The following NBEA variants were observed in gnomAD, a reference collection of about 807,000 sequenced individuals.
NBEA encodes lysosomal-trafficking regulator 2.
Under a neutral mutation model 343.4 loss-of-function variants are expected in NBEA, and 44 were observed. The observed-to-expected ratio is 0.13, with a 90% confidence interval of 0.10 to 0.16. NBEA has a LOEUF of 0.16. NBEA is among the 10% of genes least tolerant of loss of function. NBEA has a pLI of 1.00. For missense variants in NBEA, 2,555 were observed against 3,631.3 expected (o/e 0.70, Z 7.62); for synonymous variants, 1,175 against 1,238.7 (o/e 0.95, Z 1.08).
At chr13:35,320,156 T>A (rs2038035737) in intron 36 of NBEA, among the ~76,000 whole-genome samples, 1 of 152,202 alleles carries the variant, frequency 6.6e-6, no homozygotes, top group Non-Finnish European at 1.5e-5. Flanking sequence ...GCTGGTTAAT[T>A]TGCCCATTAG....
chr13:35,146,470 C>T (rs546351308), intron 18 of NBEA, among the ~76,000 whole-genome samples: 37 of 152,254 alleles, frequency 2.4e-4, no homozygotes, highest in African/African-American at 8.7e-4. Context: ...CCGCCAGGAA[C>T]GTTGGGTCCC....
At chr13:35,084,299 A>C (rs1040395194) in intron 10 of NBEA, among the ~76,000 whole-genome samples, 1 of 152,160 alleles carries the variant, frequency 6.6e-6, no homozygotes, top group Non-Finnish European at 1.5e-5. Context: ...CACCACACCT[A>C]TTCCAAAATT....
intron 38 of NBEA, among the ~76,000 whole-genome samples, chr13:35,385,517 A>G (rs895587470): frequency 6.6e-6 from 1 of 152,100 alleles, no homozygotes; most frequent in Admixed American, 6.5e-5. Flanking sequence ...TGGGCAACAT[A>G]GCAAGGCCCT....
intron 41 of NBEA, among the ~76,000 whole-genome samples, chr13:35,488,551 C>T (rs2076386578): frequency 6.6e-6 from 1 of 151,898 alleles, no homozygotes; most frequent in Non-Finnish European, 1.5e-5. Flanking sequence ...AACTAATAAA[C>T]TTTCAATGCA....
chr13:34,949,092 A>G (rs2059274689), intron 1 of NBEA, among the ~76,000 whole-genome samples: 1 of 152,228 alleles, frequency 6.6e-6, no homozygotes, highest in Non-Finnish European at 1.5e-5. Context: ...CCTCGCATGC[A>G]GTATACGCCA....
At chr13:35,150,747 G>A (rs989152372) in intron 18 of NBEA, among the ~76,000 whole-genome samples, 4 of 150,674 alleles carry the variant, frequency 2.7e-5, no homozygotes, top group African/African-American at 7.4e-5. Flanking sequence ...GTAAGATTAA[G>A]TGCAGAAATA....
At chr13:34,944,581 A>T (rs1321702032) in intron 1 of NBEA, among the ~76,000 whole-genome samples, 1 of 152,226 alleles carries the variant, frequency 6.6e-6, no homozygotes, top group African/African-American at 2.4e-5. Flanking sequence ...GATATAACCA[A>T]GTTCTTTTCA....
chr13:35,529,613 T>A (rs1168658373), intron 41 of NBEA, among the ~76,000 whole-genome samples: 1 of 152,114 alleles, frequency 6.6e-6, no homozygotes, highest in Non-Finnish European at 1.5e-5. Flanking sequence ...TAGAACAGAG[T>A]CATACTGTGA....
intron 1 of NBEA, among the ~76,000 whole-genome samples, chr13:34,952,754 T>C (rs538683760): frequency 2.0e-4 from 30 of 152,240 alleles, no homozygotes; most frequent in African/African-American, 7.0e-4. Flanking sequence ...ATATTTCTCT[T>C]TAGCAAATAC....
At chr13:35,578,176 A>G (rs895587647) in intron 45 of NBEA, among the ~76,000 whole-genome samples, 6 of 152,220 alleles carry the variant, frequency 3.9e-5, no homozygotes, top group Non-Finnish European at 7.3e-5. Flanking sequence ...TTCAAGCTGT[A>G]TCTAGCACAG....
chr13:35,123,317 T>G (rs2066902514), intron 16 of NBEA, among the ~76,000 whole-genome samples, 165 bp from the exon 17 acceptor site: 1 of 152,146 alleles, frequency 6.6e-6, no homozygotes, highest in Non-Finnish European at 1.5e-5. Flanking sequence ...AAAGAAAAAT[T>G]ATTAAAGCAT....
chr13:34,985,842 T>G (rs1351176717), intron 1 of NBEA, among the ~76,000 whole-genome samples: 2 of 151,080 alleles, frequency 1.3e-5, no homozygotes, highest in Non-Finnish European at 3.0e-5. Flanking sequence ...TATATTATTA[T>G]CTGATGGTAG....
rs545637669 is a variant in NBEA at position 35,334,681 on chromosome 13, T to A, written c.5904-14427T>A. On this transcript the variant is annotated intron_variant, in intron 36 of 58. Coordinates refer to ENST00000379939, the MANE Select transcript of NBEA (RefSeq NM_001385012.1). ...TTTGAAAAATGTCTGTTCAAATTAT[T>A]TGCCCATTTCTAAATGGATTATTAG... 1.8e-4 allele frequency among the ~76,000 whole-genome samples: 28 copies of A among 152,332 alleles called. 1 individual carries two copies. In the South Asian group the frequency reaches 5.4e-3, roughly 29 times the overall value.
At position 35,138,326 on chromosome 13, in the gene NBEA, C is replaced by T. The variant is rs559499572; in HGVS notation, c.2337-3943C>T. On this transcript the variant is annotated intron_variant, in intron 17 of 58. Coordinates refer to ENST00000379939, the MANE Select transcript of NBEA (RefSeq NM_001385012.1). ...ATAAAAGCTTTTAACCCAATCATTT[C>T]AGTTTTTATCCTAAGGAAATAACCA... 2.0e-5 allele frequency among the ~76,000 whole-genome samples: 3 copies of T among 152,046 alleles called. No individual in the cohort carries two copies. The South Asian group carries it at 6.2e-4, about 32-fold the overall frequency.
At chr13:35,580,254 T>C (rs945205305) in intron 45 of NBEA, among the ~76,000 whole-genome samples, 1 of 152,130 alleles carries the variant, frequency 6.6e-6, no homozygotes, top group Admixed American at 6.5e-5. Context: ...AGTTAAACTT[T>C]TGTATATGGT....
intron 1 of NBEA, among the ~76,000 whole-genome samples, chr13:34,979,249 G>A (rs2060276832): frequency 6.6e-6 from 1 of 152,066 alleles, no homozygotes; most frequent in Non-Finnish European, 1.5e-5. Context: ...TCCCCTGGTT[G>A]CTGGGCACAG....
chr13:35,672,273 G>GAA lies in NBEA; in HGVS notation c.*1283_*1284dup, dbSNP rs767553678. 5 of 152,530 alleles carry GAA rather than the reference G, an allele frequency of 3.3e-5. No homozygotes were observed. Among genetic ancestry groups the GAA allele is most frequent in the Non-Finnish European group, 7.4e-5 (5 of 68,016 alleles). 9.4% of individuals were successfully genotyped at this position (152,530 alleles called of 1,614,324 possible). ...GGTAGGGCTATGAGGCATGTTACAG[G>GAA]AATGTAATTTTCTCAGAATTTACAC... On this transcript the variant is annotated 3_prime_UTR_variant, in exon 59 of 59. Transcript: ENST00000379939.
In NBEA at chr13:35,258,063, A is replaced by G. The variant is rs1021154823; in HGVS notation, c.5776+25444A>G. 4.6e-5 allele frequency among the ~76,000 whole-genome samples: 7 copies of G among 151,952 alleles called. No individual in the cohort carries two copies. The East Asian group carries it at 1.2e-3, about 25-fold the overall frequency. On this transcript the variant is annotated intron_variant, in intron 34 of 58. Transcript: ENST00000379939. Reference sequence around the variant, plus strand: ...AAATTTTCATTTTATAGATTTTTACATTTTATTTTGTTTTCCTAATGTTTC... The same window carrying G: ...AAATTTTCATTTTATAGATTTTTACGTTTTATTTTGTTTTCCTAATGTTTC...
In NBEA at chr13:35,651,866, T is replaced by C; in HGVS notation, c.8025T>C (p.Asp2675=). 6.5e-7 allele frequency: 1 copy of C among 1,530,472 alleles called. No homozygotes were observed. The highest frequency in any genetic ancestry group is 1.2e-5 in the South Asian group (1 of 83,588). The allele number at this position is 1,530,472 out of a possible 1,614,324, so 94.8% of individuals were successfully genotyped here. The change falls in exon 53 of 59, where the codon GAT becomes GAC. Residue 2675 remains aspartate (D), a synonymous_variant. Coordinates refer to ENST00000379939, the MANE Select transcript of NBEA (RefSeq NM_001385012.1). ...DQAHHLPIEM[D]PLIANNSGVN... Reference sequence around the variant, plus strand: ...CCCACCATCTTCCCATTGAAATGGATCCATTAATAGGTATGTTAATAAAAA... The same window carrying C: ...CCCACCATCTTCCCATTGAAATGGACCCATTAATAGGTATGTTAATAAAAA...
Sources: gnomAD v4.1 joint callset for allele counts (sites outside exome capture counted in the v4.1 genomes callset) on GRCh38, gnomAD v4.1.1 for gene constraint, MANE v1.5 for transcripts, NCBI Gene and HGNC (gene_info 2026-07-23, HGNC 2026-07-21) for gene names.